Variants in DYM observed in about 807,000 individuals in gnomAD.
DYM encodes the protein dymeclin.
DYM carries 78 observed loss-of-function variants against 93.1 expected under a neutral mutation model. That is an observed-to-expected ratio of 0.84 (90% confidence interval 0.70 to 1.01). The LOEUF (loss-of-function observed/expected upper bound fraction) is 1.01, where lower values mean the gene tolerates loss of function less well. Among genes scored for constraint, DYM ranks in the 50% least tolerant of loss-of-function variants. The probability of loss-of-function intolerance (pLI) is 0.00; values close to 1 mark genes in which losing one functional copy is unlikely to be tolerated. For synonymous variants in DYM, 321 were observed against 319.7 expected, an observed-to-expected ratio of 1.00 and a Z score of -0.04; for missense variants, 789 against 845.0, an observed-to-expected ratio of 0.93 and a Z score of 0.82.
chr18:49,076,489 A>G (rs1480335651), intron 17 of DYM, among the ~76,000 whole-genome samples: 1 of 152,216 alleles, frequency 6.6e-6, no homozygotes, highest in African/African-American at 2.4e-5. Flanking sequence ...TTCTGGAGCC[A>G]TTTTATGTTT....
At chr18:49,217,820 T>C (rs529715269) in intron 13 of DYM, among the ~76,000 whole-genome samples, 28 of 152,220 alleles carry the variant, frequency 1.8e-4, no homozygotes, top group African/African-American at 5.5e-4. Context: ...GTAAAGACCG[T>C]CGAGGCTGGG....
chr18:49,361,790 G>A (rs937533806), intron 6 of DYM, among the ~76,000 whole-genome samples: 4 of 151,832 alleles, frequency 2.6e-5, no homozygotes, highest in East Asian at 1.9e-4. Flanking sequence ...GCGTGATCTC[G>A]GCTCACTGCA....
intron 6 of DYM, among the ~76,000 whole-genome samples, chr18:49,360,276 C>T (rs1274361289): frequency 5.1e-5 from 7 of 137,106 alleles, no homozygotes; most frequent in South Asian, 2.3e-4. Context: ...AAAAAAAAAG[C>T]GTGTACTCAT....
intron 15 of DYM, among the ~76,000 whole-genome samples, chr18:49,141,020 G>A (rs1425178448): frequency 2.0e-5 from 3 of 152,054 alleles, no homozygotes; most frequent in Non-Finnish European, 4.4e-5. Flanking sequence ...CTGACACCAC[G>A]CTCTTGTGGT....
chr18:49,100,025 C>T (rs952146833), intron 16 of DYM, among the ~76,000 whole-genome samples: 2 of 152,124 alleles, frequency 1.3e-5, no homozygotes, highest in Admixed American at 6.6e-5. Flanking sequence ...CTACACTAAG[C>T]TTTACGTGAA....
At chr18:49,098,091 A>G (rs934132130) in intron 16 of DYM, among the ~76,000 whole-genome samples, 5 of 152,202 alleles carry the variant, frequency 3.3e-5, no homozygotes, top group Non-Finnish European at 7.3e-5. Flanking sequence ...ATATTAACAC[A>G]GTAGCATTCT....
At chr18:49,289,760 T>TATAC (rs2059962214) in intron 8 of DYM, among the ~76,000 whole-genome samples, 11 of 37,572 alleles carry the variant, frequency 2.9e-4, no homozygotes, top group African/African-American at 1.0e-3. Context: ...TATATATATA[T>TATAC]ATATATATAT....
intron 2 of DYM, among the ~76,000 whole-genome samples, chr18:49,412,334 C>T (rs2072354230): frequency 6.6e-6 from 1 of 151,610 alleles, no homozygotes; most frequent in South Asian, 2.1e-4. Flanking sequence ...TACTTTAATG[C>T]TTTAAAGGAT....
chr18:49,418,368 CAG>C (rs939132099), intron 2 of DYM, among the ~76,000 whole-genome samples: 28 of 152,052 alleles, frequency 1.8e-4, no homozygotes, highest in African/African-American at 6.5e-4. Context: ...AGGAAAAAAA[CAG>C]TGTATATTAT....
At chr18:49,138,427 T>C (rs1178429019) in intron 15 of DYM, among the ~76,000 whole-genome samples, 1 of 152,214 alleles carries the variant, frequency 6.6e-6, no homozygotes, top group African/African-American at 2.4e-5. Context: ...ACAGTTGCTA[T>C]CGGAATATTC....
intron 17 of DYM, among the ~76,000 whole-genome samples, chr18:49,066,109 G>A (rs145735512): frequency 3.3e-5 from 5 of 151,810 alleles, no homozygotes; most frequent in Middle Eastern, 3.4e-3. Context: ...ATAGGTTGGT[G>A]CAAAAGTAAT....
At chr18:49,366,259 G>A (rs1357785805) in intron 5 of DYM, among the ~76,000 whole-genome samples, 1 of 152,040 alleles carries the variant, frequency 6.6e-6, no homozygotes, top group Non-Finnish European at 1.5e-5. Context: ...TTTCTTATAA[G>A]GCCAAATATC....
At chr18:49,161,760 A>T (rs2087169642) in intron 15 of DYM, among the ~76,000 whole-genome samples, 1 of 152,222 alleles carries the variant, frequency 6.6e-6, no homozygotes, top group Non-Finnish European at 1.5e-5. Context: ...CACACGAGAA[A>T]AAACTAGCAC....
At chr18:49,378,493 A>C in intron 5 of DYM, 74 bp downstream of exon 5, 1 of 1,392,846 alleles carries the variant, frequency 7.2e-7, no homozygotes, top group Non-Finnish European at 1.0e-6. Context: ...TCAAAATCAT[A>C]CTTTTATTCC....
chr18:49,343,435 T>C (rs2064322234), intron 6 of DYM, among the ~76,000 whole-genome samples: 1 of 152,250 alleles, frequency 6.6e-6, no homozygotes, highest in Admixed American at 6.5e-5. Flanking sequence ...TCTTTGACTT[T>C]ATTATAAGGT....
intron 17 of DYM, among the ~76,000 whole-genome samples, chr18:49,089,249 T>C (rs1422823278): frequency 1.3e-5 from 2 of 152,118 alleles, no homozygotes; most frequent in Non-Finnish European, 2.9e-5. Flanking sequence ...TAATGTTAAC[T>C]GAATAGTAAA....
chr18:49,294,318 T>A (rs923379705), intron 8 of DYM, among the ~76,000 whole-genome samples: 5 of 152,224 alleles, frequency 3.3e-5, no homozygotes, highest in Admixed American at 2.0e-4. Flanking sequence ...TGGTTCCATA[T>A]GAAATTTAAA....
chr18:49,274,579 T>C (rs1318506897), intron 10 of DYM, among the ~76,000 whole-genome samples: 2 of 152,182 alleles, frequency 1.3e-5, no homozygotes, highest in Admixed American at 6.5e-5. Flanking sequence ...TTCAAAGCCA[T>C]TGCATCATAT....
chr18:49,342,093 T>A (rs976727041), intron 6 of DYM, among the ~76,000 whole-genome samples: 2 of 152,150 alleles, frequency 1.3e-5, no homozygotes, highest in African/African-American at 2.4e-5. Context: ...GAAGAATTCA[T>A]TTCCTGTTCA....
Sources: gnomAD v4.1 joint callset for allele counts (sites outside exome capture counted in the v4.1 genomes callset) on GRCh38, gnomAD v4.1.1 for gene constraint, MANE v1.5 for transcripts, NCBI Gene and HGNC (gene_info 2026-07-23, HGNC 2026-07-21) for gene names.